The following ZNF469 variants were observed in gnomAD, a reference collection of about 807,000 sequenced individuals.
The protein encoded by ZNF469 is zinc finger protein 469.
ZNF469 carries 1 observed loss-of-function variant against 1.0 expected under a neutral mutation model. That is an observed-to-expected ratio of 1.00 (90% CI 0.35 to 4.73). ZNF469 has a LOEUF of 4.73. ZNF469 is among the 30% of genes most tolerant of loss of function. The pLI is 0.16. For missense variants in ZNF469, 6,100 were observed against 5,356.3 expected, an observed-to-expected ratio of 1.14 and a Z score of -4.33; for synonymous variants, 2,703 against 2,363.4, an observed-to-expected ratio of 1.14 and a Z score of -4.17.
chr16:88,188,616 G>A, the ZNF469 span, among the ~76,000 whole-genome samples: 2 of 152,336 alleles, frequency 1.3e-5, no homozygotes, highest in East Asian at 3.9e-4. Flanking sequence ...GGGATTCTGA[G>A]GCAGGAGGTC....
At chr16:88,332,444 A>G in the ZNF469 span, among the ~76,000 whole-genome samples, 1 of 152,086 alleles carries the variant, frequency 6.6e-6, no homozygotes, top group Non-Finnish European at 1.5e-5. Context: ...AGTGCTGAGC[A>G]CCGCCACGCT....
the ZNF469 span, among the ~76,000 whole-genome samples, chr16:88,105,101 G>C: frequency 6.6e-6 from 1 of 152,096 alleles, no homozygotes; most frequent in South Asian, 2.1e-4. Flanking sequence ...CGTGTGTATA[G>C]TCCCAACCAG....
chr16:88,272,101 G>A, the ZNF469 span, among the ~76,000 whole-genome samples: 1 of 151,768 alleles, frequency 6.6e-6, no homozygotes, highest in Non-Finnish European at 1.5e-5. Context: ...ATGAATAGAT[G>A]AGTGGGTAGA....
the ZNF469 span, among the ~76,000 whole-genome samples, chr16:88,329,477 G>A: frequency 2.0e-5 from 3 of 152,156 alleles, no homozygotes; most frequent in African/African-American, 4.8e-5. Flanking sequence ...GCTGCCTCCC[G>A]CTGGCCCTCT....
chr16:88,184,977 A>C, the ZNF469 span, among the ~76,000 whole-genome samples: 1 of 152,052 alleles, frequency 6.6e-6, no homozygotes, highest in Non-Finnish European at 1.5e-5. Flanking sequence ...CGCAAGACTT[A>C]CATATTCACA....
chr16:88,409,878 G>GTT (rs769264513), intron 1 of ZNF469, among the ~76,000 whole-genome samples: 13,465 of 142,966 alleles, frequency 0.094, 932 homozygotes, highest in African/African-American at 0.13. Context: ...GGGGGGGGGG[G>GTT]GGGGGGCGCG....
chr16:88,233,323 T>C, the ZNF469 span, among the ~76,000 whole-genome samples: 2 of 152,216 alleles, frequency 1.3e-5, no homozygotes, highest in African/African-American at 4.8e-5. Context: ...CCTTCAGCAC[T>C]GGGGCAGCCC....
At chr16:88,296,610 A>G in the ZNF469 span, among the ~76,000 whole-genome samples, 5 of 151,962 alleles carry the variant, frequency 3.3e-5, no homozygotes, top group Non-Finnish European at 7.4e-5. Flanking sequence ...ACTCACAGAC[A>G]TGCTCACACT....
chr16:88,430,301 A>G lies in ZNF469; in HGVS notation c.2831A>G (p.Gln944Arg). The G allele has an allele frequency of 1.3e-6, 2 of 1,515,126 alleles. No homozygotes were observed. Among genetic ancestry groups the G allele is most frequent in the Non-Finnish European group, 1.8e-6 (2 of 1,134,420 alleles). The allele number at this position is 1,515,126 out of a possible 1,614,324, so 93.9% of individuals were successfully genotyped here. ...TEADAPSQGR[Q>R]QRRGKQLKLF... ...GCGGATGCGCCCAGCCAGGGCAGGCAGCAGAGGAGGGGGAAGCAGTTGAAG... is the reference window on the plus strand; with the variant it reads ...GCGGATGCGCCCAGCCAGGGCAGGCGGCAGAGGAGGGGGAAGCAGTTGAAG... The change falls in exon 3 of 3, where the codon CAG becomes CGG. Residue 944 changes from glutamine to arginine, a missense_variant. Gln to Arg is a conservative substitution (Grantham distance 43). Transcript: ENST00000565624.
chr16:88,374,028 T>C, the ZNF469 span, among the ~76,000 whole-genome samples: 1 of 148,098 alleles, frequency 6.8e-6, no homozygotes. Flanking sequence ...AGGCTTTAAG[T>C]GTCAGAGATA....
the ZNF469 span, among the ~76,000 whole-genome samples, chr16:88,237,199 T>C: frequency 0.76 from 14,772 of 19,476 alleles, 5,409 homozygotes; most frequent in Non-Finnish European, 0.82. Context: ...CCCTGCCCTC[T>C]GTGCTCCTGC....
the ZNF469 span, among the ~76,000 whole-genome samples, chr16:88,185,357 CAA>C: frequency 2.9e-3 from 397 of 139,042 alleles, 1 homozygote; most frequent in African/African-American, 8.6e-3. Flanking sequence ...CATGCACACA[CAA>C]ACATACCTAT....
At chr16:88,403,130 G>T (rs1904931039) in intron 1 of ZNF469, among the ~76,000 whole-genome samples, 1 of 152,174 alleles carries the variant, frequency 6.6e-6, no homozygotes, top group African/African-American at 2.4e-5. Flanking sequence ...AGAACCTTGG[G>T]TGGAGGCCGA....
the ZNF469 span, among the ~76,000 whole-genome samples, chr16:88,187,061 C>A: frequency 1.3e-5 from 2 of 152,276 alleles, no homozygotes; most frequent in East Asian, 3.9e-4. Flanking sequence ...GGTATGAAGA[C>A]GATGTAGCGG....
the ZNF469 span, among the ~76,000 whole-genome samples, chr16:88,281,555 G>A: frequency 6.7e-6 from 1 of 149,692 alleles, no homozygotes; most frequent in East Asian, 2.0e-4. Flanking sequence ...TCACAGGTTA[G>A]TGCTGTGCCA....
the ZNF469 span, among the ~76,000 whole-genome samples, chr16:88,350,317 C>T: frequency 8.8e-3 from 1,343 of 152,370 alleles, 19 homozygotes; most frequent in African/African-American, 0.031. Flanking sequence ...CACGCAGGGA[C>T]CTGGATGGTG....
chr16:88,273,993 CG>C, the ZNF469 span, among the ~76,000 whole-genome samples: 1 of 151,908 alleles, frequency 6.6e-6, no homozygotes, highest in African/African-American at 2.4e-5. Flanking sequence ...TTAGTAGAGA[CG>C]GGGTTTCACC....
At chr16:88,205,904 A>T in the ZNF469 span, among the ~76,000 whole-genome samples, 1 of 152,150 alleles carries the variant, frequency 6.6e-6, no homozygotes, top group East Asian at 1.9e-4. The surrounding 1 kb of genome is among the most constrained non-coding windows in gnomAD (Gnocchi z 4.2). Context: ...CAGCCTGGGA[A>T]ATGTTCCGAG....
chr16:88,155,799 C>G, the ZNF469 span, among the ~76,000 whole-genome samples: 3 of 152,310 alleles, frequency 2.0e-5, no homozygotes, highest in African/African-American at 7.2e-5. Flanking sequence ...GCTTTTGGTT[C>G]TTGGGTGTGC....
Sources: gnomAD v4.1 joint callset for allele counts (sites outside exome capture counted in the v4.1 genomes callset) on GRCh38, gnomAD v4.1.1 for gene constraint, Gnocchi (gnomAD v3.1) non-coding constraint, MANE v1.5 for transcripts, NCBI Gene and HGNC (gene_info 2026-07-23, HGNC 2026-07-21) for gene names.